The following LRRIQ1 variants were observed in gnomAD, a reference collection of about 807,000 sequenced individuals.
LRRIQ1 encodes leucine rich repeats and IQ motif containing 1.
Under a neutral mutation model 211.9 loss-of-function variants are expected in LRRIQ1, and 210 were observed. The observed-to-expected ratio is 0.99, with a 90% CI of 0.89 to 1.11. The LOEUF is 1.11. LRRIQ1 is among the 50% of genes most tolerant of loss of function. LRRIQ1 has a pLI of 0.00. For missense variants in LRRIQ1, 2,136 were observed against 1,939.5 expected (o/e 1.10, Z -1.90); for synonymous variants, 699 against 650.1 (o/e 1.08, Z -1.14).
intron 19 of LRRIQ1, among the ~76,000 whole-genome samples, chr12:85,141,790 A>G (rs544984897): frequency 1.3e-5 from 2 of 150,654 alleles, no homozygotes; most frequent in Non-Finnish European, 3.0e-5. Flanking sequence ...GGTTTATACA[A>G]TTTTCATTTG....
At chr12:85,041,652 T>C (rs1000089790) in intron 3 of LRRIQ1, among the ~76,000 whole-genome samples, 2 of 151,762 alleles carry the variant, frequency 1.3e-5, no homozygotes, top group Non-Finnish European at 3.0e-5. Flanking sequence ...TTAGATGATA[T>C]AGGACTCTTC....
intron 11 of LRRIQ1, among the ~76,000 whole-genome samples, chr12:85,091,886 C>T (rs4761113): frequency 0.22 from 33,362 of 152,068 alleles, 4,329 homozygotes; most frequent in Admixed American, 0.31. Context: ...CGGTCCATGG[C>T]CTGTTAGAAT....
Position 85,091,657 on chromosome 12 carries a change from A to G in LRRIQ1, c.2888-6698A>G, listed in dbSNP as rs61499960. On this transcript the variant is annotated intron_variant, in intron 11 of 26. Coordinates refer to ENST00000393217, the MANE Select transcript of LRRIQ1 (RefSeq NM_001079910.2). ...TAGATGCTACATTTAGATCTAATCC[A>G]TCTTGAGTTAGTTTTTGTATATGGT... 0.013 allele frequency among the ~76,000 whole-genome samples: 2,029 copies of G among 152,226 alleles called. 116 individuals carry two copies. In the East Asian group the frequency reaches 0.2, roughly 15 times the overall value.
At chr12:85,255,521 T>A (rs1896063236) in intron 1 of LRRIQ1, among the ~76,000 whole-genome samples, 1 of 151,820 alleles carries the variant, frequency 6.6e-6, no homozygotes, top group African/African-American at 2.4e-5. Flanking sequence ...CCATACATAA[T>A]GAAATCTGGG....
chr12:85,217,648 G>GTATATGTA (rs995151513), intron 24 of LRRIQ1, among the ~76,000 whole-genome samples: 1 of 133,124 alleles, frequency 7.5e-6, no homozygotes, highest in Non-Finnish European at 1.6e-5. Flanking sequence ...ATATATATGT[G>GTATATGTA]TATATGTATA....
At chr12:85,201,398 A>G (rs373440136) in intron 24 of LRRIQ1, among the ~76,000 whole-genome samples, 6 of 152,004 alleles carry the variant, frequency 3.9e-5, no homozygotes, top group East Asian at 3.9e-4. Context: ...ATTTGGTATA[A>G]TTTGGCTGGG....
chr12:85,097,461 A>G (rs1440866452), intron 11 of LRRIQ1, among the ~76,000 whole-genome samples: 1 of 132,778 alleles, frequency 7.5e-6, no homozygotes, highest in Non-Finnish European at 1.6e-5. Context: ...CGCTGTGTCC[A>G]AGTGTTCTCA....
At chr12:85,159,306 T>TA (rs1210069295) in intron 23 of LRRIQ1, among the ~76,000 whole-genome samples, 1 of 152,044 alleles carries the variant, frequency 6.6e-6, no homozygotes. Context: ...ATTATGGTTC[T>TA]ATGTATTTTT....
chr12:85,209,848 C>T (rs1430036134), intron 24 of LRRIQ1, among the ~76,000 whole-genome samples: 1 of 151,914 alleles, frequency 6.6e-6, no homozygotes, highest in East Asian at 1.9e-4. Flanking sequence ...GAGACTGAAA[C>T]TAAAATTTTG....
Position 85,153,087 on chromosome 12 carries a change from T to C in LRRIQ1, c.4483T>C (p.Trp1495Arg). The stretch of plus-strand genomic sequence containing the variant: ...TTTACCAAGTAATCCAGCTCAAGCA[T>C]GGTTATGTAATGACAAAGAAAATTT... ...FNLPSNPAQA[W>R]LCNDKENLSS... The change falls in exon 21 of 27, where the codon TGG becomes CGG. Residue 1495 changes from tryptophan to arginine, a missense_variant. By Grantham distance (101) the Trp-to-Arg change is moderately radical. Transcript: ENST00000393217. 6.3e-7 allele frequency: 1 copy of C among 1,588,498 alleles called. No homozygotes were observed. Among genetic ancestry groups the C allele is most frequent in the Non-Finnish European group, 8.6e-7 (1 of 1,163,684 alleles).
Position 85,056,922 on chromosome 12 carries a change from A to G in LRRIQ1, c.2129A>G (p.Asn710Ser), listed in dbSNP as rs780535189. The G allele has an allele frequency of 1.9e-6, 3 of 1,613,044 alleles. No homozygotes were observed. Among genetic ancestry groups the G allele is most frequent in the South Asian group, 2.2e-5 (2 of 90,960 alleles). The change falls in exon 8 of 27, where the codon AAT becomes AGT. Residue 710 changes from asparagine to serine, a missense_variant. Physicochemically the swap from Asn to Ser is conservative, Grantham distance 46 (BLOSUM62 1). Transcript: ENST00000393217. ...AACTCTCTTAAATCTGAGATTAGAA[A>G]TATTTCAGAAAAATGCCATGAAAAT... ...EVNSLKSEIRNISEKCHENAP... is the reference protein window; with the variant it reads ...EVNSLKSEIRSISEKCHENAP...
At chr12:85,256,856 A>G (rs1896109913) in intron 1 of LRRIQ1, among the ~76,000 whole-genome samples, 1 of 150,140 alleles carries the variant, frequency 6.7e-6, no homozygotes, top group Non-Finnish European at 1.5e-5. Context: ...GTGATCTTGA[A>G]AATCTAATTT....
In LRRIQ1 at chr12:85,099,313, A is replaced by G. The variant is rs1014273011; in HGVS notation, c.3209+319A>G. Among the ~76,000 whole-genome samples, 7 of 151,822 alleles carry G rather than the reference A, an allele frequency of 4.6e-5. No individual in the cohort carries two copies. The East Asian group carries it at 1.3e-3, about 29-fold the overall frequency. ...ACGGAGCATAGTCCTTGGAAAATAC[A>G]GGAGGTAGTTAATTTAATTCAGAAG... On this transcript the variant is annotated intron_variant, in intron 13 of 26. Coordinates refer to ENST00000393217, the MANE Select transcript of LRRIQ1 (RefSeq NM_001079910.2).
chr12:85,071,356 T>C (rs1473580669), intron 10 of LRRIQ1, among the ~76,000 whole-genome samples: 4 of 152,014 alleles, frequency 2.6e-5, no homozygotes, highest in African/African-American at 9.7e-5. Context: ...AACAACATAT[T>C]ATGGAACTTA....
At chr12:85,096,067 C>G (rs956232340) in intron 11 of LRRIQ1, among the ~76,000 whole-genome samples, 5 of 152,190 alleles carry the variant, frequency 3.3e-5, no homozygotes, top group Non-Finnish European at 7.4e-5. Context: ...TCTTGTTAAT[C>G]TAGCTAGTAG....
At chr12:85,162,636 A>C in intron 24 of LRRIQ1, 1 of 397,194 alleles carries the variant, frequency 2.5e-6, no homozygotes, top group South Asian at 1.9e-5. Flanking sequence ...TGAATTGTGT[A>C]CTGGTATAAA....
At chr12:85,141,996 G>A (rs1889578665) in intron 19 of LRRIQ1, among the ~76,000 whole-genome samples, 1 of 151,014 alleles carries the variant, frequency 6.6e-6, no homozygotes, top group Non-Finnish European at 1.5e-5. Context: ...CTCTCTAGTA[G>A]GAGTCAGTTT....
intron 1 of LRRIQ1, among the ~76,000 whole-genome samples, chr12:85,250,894 T>TTATAGATTATATAATATA: frequency 1.3e-5 from 1 of 78,732 alleles, no homozygotes; most frequent in Admixed American, 1.8e-4. Flanking sequence ...TATAATATAT[T>TTATAGATTATATAATATA]TTATATATTA....
chr12:85,235,045 T>C (rs1217591472), intron 26 of LRRIQ1, among the ~76,000 whole-genome samples: 3 of 152,236 alleles, frequency 2.0e-5, no homozygotes, highest in Non-Finnish European at 2.9e-5. Context: ...GAATACTCTT[T>C]AGTAACCTTC....
Sources: allele counts gnomAD v4.1 joint callset (sites outside exome capture counted in the v4.1 genomes callset), GRCh38; gene constraint gnomAD v4.1.1; transcripts MANE v1.5; gene names NCBI Gene and HGNC (gene_info 2026-07-23, HGNC 2026-07-21).